PRDM6: variants seen among roughly 807,000 people sequenced by gnomAD.
PRDM6 encodes the protein putative histone-lysine N-methyltransferase PRDM6.
In PRDM6, 25 loss-of-function variants were observed where a neutral mutation model predicts 60.8. The observed-to-expected ratio is 0.41, with a 90% CI of 0.30 to 0.57. The LOEUF (loss-of-function observed/expected upper bound fraction) is 0.57, where lower values mean the gene tolerates loss of function less well. PRDM6 is among the 20% of genes least tolerant of loss of function. The pLI, the probability that PRDM6 is intolerant of heterozygous loss-of-function variation, is 0.27. For missense variants in PRDM6, 839 were observed against 821.3 expected (o/e 1.02, Z -0.26); for synonymous variants, 407 against 357.4 (o/e 1.14, Z -1.57).
rs1384560047 is a variant in PRDM6 at position 123,192,353 on chromosome 5, T to C, written c.*5152T>C. On this transcript the variant is annotated 3_prime_UTR_variant, in exon 8 of 8. Transcript: ENST00000407847. Reference sequence around the variant, plus strand: ...CTCCTTCAAAGCCATAAACAGGCAATTGTTAAAAGAGGAAAATACTTCTCT... The same window carrying C: ...CTCCTTCAAAGCCATAAACAGGCAACTGTTAAAAGAGGAAAATACTTCTCT... 1 of 152,196 alleles carries C rather than the reference T, an allele frequency of 6.6e-6. No individual in the cohort carries two copies. Among genetic ancestry groups the C allele is most frequent in the Non-Finnish European group, 1.5e-5 (1 of 68,044 alleles). The allele number at this position is 152,196 out of a possible 1,614,324, so 9.4% of individuals were successfully genotyped here.
chr5:123,187,050 G>C (rs335198), intron 7 of PRDM6, 37 bp from the exon 8 acceptor site: 1 of 1,477,828 alleles, frequency 6.8e-7, no homozygotes, highest in East Asian at 2.5e-5. Context: ...TGCAGGCCCC[G>C]CTCCCTGGTC....
At chr5:123,089,899 G>A (rs940498551) in intron 1 of PRDM6, 101 bp from the exon 2 acceptor site, 16 of 896,552 alleles carry the variant, frequency 1.8e-5, no homozygotes, top group Non-Finnish European at 2.3e-5. Context: ...GCCGCCGGCT[G>A]AACCACCGGC....
chr5:123,129,048 A>G (rs1156482123), intron 3 of PRDM6, among the ~76,000 whole-genome samples: 6 of 152,012 alleles, frequency 3.9e-5, no homozygotes, highest in African/African-American at 1.5e-4. Context: ...TATTTTTGTC[A>G]GGTTTGTCAA....
At chr5:123,096,987 T>A (rs2150206545) in intron 2 of PRDM6, among the ~76,000 whole-genome samples, 1 of 152,136 alleles carries the variant, frequency 6.6e-6, no homozygotes, top group South Asian at 2.1e-4. Context: ...TGCTAGGGAA[T>A]GAAAACTAAA....
chr5:123,191,083 TG>T lies in PRDM6; in HGVS notation c.*3885del, dbSNP rs1323551126. On this transcript the variant is annotated 3_prime_UTR_variant, in exon 8 of 8. Transcript: ENST00000407847. ...GAGACCAGGATTAGGGCCTGGGTCTTGGGTTTTTATGACCCCCCCTTTCAAT... is the reference window on the plus strand; with the variant it reads ...GAGACCAGGATTAGGGCCTGGGTCTTGGTTTTTATGACCCCCCCTTTCAAT... The T allele has an allele frequency of 1.3e-5, 2 of 152,188 alleles. No individual in the cohort carries two copies. Among genetic ancestry groups the T allele is most frequent in the Non-Finnish European group, 2.9e-5 (2 of 68,054 alleles). The allele number at this position is 152,188 out of a possible 1,614,324, so 9.4% of individuals were successfully genotyped here.
chr5:123,114,094 C>T (rs770726939), intron 3 of PRDM6, among the ~76,000 whole-genome samples: 3 of 152,084 alleles, frequency 2.0e-5, no homozygotes, highest in Admixed American at 6.6e-5. Flanking sequence ...GGTGACTTCC[C>T]GCCAGAAAGA....
intron 3 of PRDM6, among the ~76,000 whole-genome samples, chr5:123,106,483 C>T (rs984871734): frequency 2.6e-5 from 4 of 152,154 alleles, no homozygotes; most frequent in African/African-American, 4.8e-5. Flanking sequence ...TGTTACAGTA[C>T]GAGGCTGTCA....
chr5:123,162,597 G>A (rs75368194), intron 5 of PRDM6, among the ~76,000 whole-genome samples: 2,113 of 152,264 alleles, frequency 0.014, 60 homozygotes, highest in African/African-American at 0.049. Context: ...AGTTCTTTTG[G>A]GTTCCGTTCA....
intron 5 of PRDM6, among the ~76,000 whole-genome samples, chr5:123,169,267 A>G (rs1765831282): frequency 6.6e-6 from 1 of 152,248 alleles, no homozygotes. Context: ...TTCTGGACCT[A>G]TGAAATGACC....
chr5:123,118,217 G>A (rs1360048170), intron 3 of PRDM6, among the ~76,000 whole-genome samples: 1 of 152,222 alleles, frequency 6.6e-6, no homozygotes, highest in African/African-American at 2.4e-5. Context: ...ATCATGAAGA[G>A]AGATGGAATT....
chr5:123,138,439 G>A (rs986630969), intron 3 of PRDM6, among the ~76,000 whole-genome samples: 18 of 152,342 alleles, frequency 1.2e-4, no homozygotes, highest in African/African-American at 4.1e-4. Context: ...AGATTATTAA[G>A]CACCTATATA....
rs1765868906 is a variant in PRDM6, at chr5:123,170,753, G to T, written c.1154-13G>T. 1 of 1,520,488 alleles carries T rather than the reference G, an allele frequency of 6.6e-7. No individual in the cohort carries two copies. Among genetic ancestry groups the T allele is most frequent in the African/African-American group, 1.4e-5 (1 of 72,166 alleles). The allele number at this position is 1,520,488 out of a possible 1,614,324, so 94.2% of individuals were successfully genotyped here. On this transcript the variant is annotated splice_polypyrimidine_tract_variant and intron_variant, in intron 5 of 7. Transcript: ENST00000407847. ...AATAAAACTGTTCTTCTAAACTGTT[G>T]CTATTCTCCTAGTAAATGTCCCTTC...
chr5:123,089,462 G>GCACCCGCACGCTCACCGAGA lies in PRDM6; in HGVS notation c.-61_-42dup, dbSNP rs376359757. On this transcript the variant is annotated 5_prime_UTR_variant, in exon 1 of 8. Coordinates refer to ENST00000407847, the MANE Select transcript of PRDM6 (RefSeq NM_001136239.4). Reference sequence around the variant, plus strand: ...GCGCACGCAGGGCGCACACTCTCGCGCACCCGCACGCTCACCGAGACACCC... The same window carrying GCACCCGCACGCTCACCGAGA: ...GCGCACGCAGGGCGCACACTCTCGCGCACCCGCACGCTCACCGAGACACCCGCACGCTCACCGAGACACCC... 17,094 of 155,144 alleles carry GCACCCGCACGCTCACCGAGA rather than the reference G, an allele frequency of 0.11. 1,082 individuals are homozygous for GCACCCGCACGCTCACCGAGA. The highest frequency in any genetic ancestry group is 0.16 in the Admixed American group (2,387 of 15,226). The allele number at this position is 155,144 out of a possible 1,614,324, so 9.6% of individuals were successfully genotyped here.
chr5:123,130,161 C>CTTCCT (rs1178029770), intron 3 of PRDM6, among the ~76,000 whole-genome samples: 1 of 42,318 alleles, frequency 2.4e-5, no homozygotes. Context: ...CCTCCCCTCC[C>CTTCCT]CTCCCCTCCC....
intron 3 of PRDM6, among the ~76,000 whole-genome samples, chr5:123,138,202 T>C (rs1308784267): frequency 6.6e-6 from 1 of 152,226 alleles, no homozygotes; most frequent in East Asian, 1.9e-4. Context: ...CATGAGTGAA[T>C]ATTGGTAAAT....
At chr5:123,158,213 C>T (rs538954464) in intron 4 of PRDM6, among the ~76,000 whole-genome samples, 7 of 152,264 alleles carry the variant, frequency 4.6e-5, no homozygotes, top group East Asian at 1.9e-4. Context: ...GAAGCCAAAC[C>T]GAGAGATGAA....
rs1354646565 is a variant in PRDM6 at position 123,090,414 on chromosome 5, C to G, written c.400C>G (p.Pro134Ala). Residue 134 changes from proline to alanine, a missense_variant, in exon 2 of 8, where the codon CCC becomes GCC. By Grantham distance (27) the Pro-to-Ala change is conservative (BLOSUM62 -1). This residue lies in a region of PRDM6 where 730 missense variants were observed against 648.8 expected (regional missense o/e 1.13). Transcript: ENST00000407847. Reference protein sequence around the residue: ...AAAVAAEPLPPKELCLGATSG... With the variant: ...AAAVAAEPLPAKELCLGATSG... ...TGCCGTCGCCGCCGAGCCGCTGCCC[C>G]CCAAGGAACTGTGCCTCGGCGCCAC... 2.1e-6 allele frequency: 3 copies of G among 1,460,768 alleles called. No homozygotes were observed. Among genetic ancestry groups the G allele is most frequent in the Admixed American group, 2.5e-5 (1 of 39,448 alleles). The allele number at this position is 1,460,768 out of a possible 1,614,324, so 90.5% of individuals were successfully genotyped here. A position where few individuals can be genotyped will look rare whatever the true frequency, so the allele number is the denominator to read the frequency against.
Position 123,171,120 on chromosome 5 carries a change from T to A in PRDM6, c.1496+12T>A. The A allele has an allele frequency of 6.6e-7, 1 of 1,515,794 alleles. No homozygotes were observed. Among genetic ancestry groups the A allele is most frequent in the East Asian group, 2.5e-5 (1 of 40,598 alleles). The allele number at this position is 1,515,794 out of a possible 1,614,324, so 93.9% of individuals were successfully genotyped here. ...CAGAACCCCGACAGGTAACCCTGAC[T>A]CTCACTGCTGACAGTGTGTTTGCTT... On this transcript the variant is annotated intron_variant, in intron 6 of 7. Transcript: ENST00000407847.
At chr5:123,121,437 C>T (rs430901) in intron 3 of PRDM6, among the ~76,000 whole-genome samples, 7 of 152,058 alleles carry the variant, frequency 4.6e-5, no homozygotes, top group African/African-American at 7.2e-5. Context: ...GACAGGAGTG[C>T]AGTGGTGCAA....
Sources: allele counts gnomAD v4.1 joint callset (sites outside exome capture counted in the v4.1 genomes callset), GRCh38; gene constraint gnomAD v4.1.1; regional missense constraint gnomAD v4.1.1; transcripts MANE v1.5; gene names NCBI Gene and HGNC (gene_info 2026-07-23, HGNC 2026-07-21).